The following PKD1L1 variants were observed in gnomAD, a reference collection of about 807,000 sequenced individuals.
PKD1L1 encodes the protein polycystin 1 like 1, transient receptor potential channel interacting, also known as polycystin-1-like protein 1.
Under a neutral mutation model 323.4 loss-of-function variants are expected in PKD1L1, and 236 were observed. The ratio of observed to expected loss-of-function variants is 0.73; its 90% CI spans 0.66 to 0.81. The LOEUF (loss-of-function observed/expected upper bound fraction) is 0.81, where lower values mean the gene tolerates loss of function less well. Ranked by LOEUF, PKD1L1 falls within the 40% of genes least tolerant of loss-of-function variation. PKD1L1 has a pLI of 0.00. For missense variants in PKD1L1, 3,320 were observed against 3,508.0 expected, an observed-to-expected ratio of 0.95 and a Z score of 1.35; for synonymous variants, 1,344 against 1,335.0, an observed-to-expected ratio of 1.01 and a Z score of -0.15.
At chr7:47,791,894 T>A (rs1584945417) in intron 56 of PKD1L1, among the ~76,000 whole-genome samples, 1 of 152,218 alleles carries the variant, frequency 6.6e-6, no homozygotes, top group South Asian at 2.1e-4. Flanking sequence ...GGCATGGCAC[T>A]CATCCTTCTT....
intron 22 of PKD1L1, 40 bp from the exon 23 acceptor site, chr7:47,876,257 A>C: frequency 6.2e-7 from 1 of 1,605,330 alleles, no homozygotes; most frequent in Non-Finnish European, 8.5e-7. Context: ...GTATAAATGA[A>C]CACACTGTGA....
intron 7 of PKD1L1, among the ~76,000 whole-genome samples, chr7:47,923,833 A>G (rs1466176499): frequency 6.6e-6 from 1 of 152,180 alleles, no homozygotes; most frequent in Non-Finnish European, 1.5e-5. Context: ...GAATGAGTCA[A>G]TAAGATATTG....
chr7:47,854,858 T>C (rs200420663), intron 30 of PKD1L1, 24 bp downstream of exon 30: 14 of 1,610,964 alleles, frequency 8.7e-6, no homozygotes, highest in South Asian at 1.1e-5. Flanking sequence ...TCCAATCTCA[T>C]TGTAGCTGTC....
At chr7:47,959,298 A>T in the PKD1L1 span, among the ~76,000 whole-genome samples, 2 of 131,812 alleles carry the variant, frequency 1.5e-5, no homozygotes, top group East Asian at 4.6e-4. Context: ...CTGGGATGTG[A>T]GGAGCCCCTC....
chr7:47,825,531 CA>C (rs113757054), intron 45 of PKD1L1, among the ~76,000 whole-genome samples: 1,455 of 92,436 alleles, frequency 0.016, 14 homozygotes, highest in African/African-American at 0.04. Flanking sequence ...AACTCTGTCT[CA>C]AAAAAAAAAA....
chr7:47,889,181 C>CCCCAGACCTCCTGT (rs1315703154), intron 16 of PKD1L1, among the ~76,000 whole-genome samples: 5 of 152,120 alleles, frequency 3.3e-5, no homozygotes, highest in Non-Finnish European at 7.4e-5. Context: ...GTCCCTCCAG[C>CCCCAGACCTCCTGT]CCCAGACCTC....
At chr7:47,776,398 C>G (rs191194076) in intron 56 of PKD1L1, among the ~76,000 whole-genome samples, 22 of 152,272 alleles carry the variant, frequency 1.4e-4, no homozygotes, top group Admixed American at 6.5e-4. Flanking sequence ...ACCCAGGGTC[C>G]CCCATTGTCA....
chr7:47,894,186 AAC>A, intron 14 of PKD1L1, 127 bp from the exon 15 acceptor site: 2 of 799,984 alleles, frequency 2.5e-6, no homozygotes, highest in Admixed American at 6.3e-5. Flanking sequence ...CTCCAACTAA[AAC>A]AGTCTTGGTA....
intron 1 of PKD1L1, among the ~76,000 whole-genome samples, chr7:47,947,039 G>A (rs903476977): frequency 2.0e-5 from 3 of 152,168 alleles, no homozygotes; most frequent in African/African-American, 7.2e-5. Flanking sequence ...GAGTCTGCAG[G>A]AGCATGGGCA....
At chr7:47,856,264 C>T (rs989699885) in intron 28 of PKD1L1, among the ~76,000 whole-genome samples, 5 of 152,178 alleles carry the variant, frequency 3.3e-5, no homozygotes, top group Admixed American at 6.5e-5. Context: ...GTCTGGAACT[C>T]CTGACCTTAG....
chr7:47,952,945 C>T (rs1451717619), upstream of PKD1L1, among the ~76,000 whole-genome samples: 1 of 152,174 alleles, frequency 6.6e-6, no homozygotes, highest in East Asian at 1.9e-4. Context: ...AATATCATGG[C>T]TTGATATTTA....
intron 16 of PKD1L1, among the ~76,000 whole-genome samples, chr7:47,889,214 C>T (rs543567154): frequency 6.6e-6 from 1 of 152,258 alleles, no homozygotes; most frequent in South Asian, 2.1e-4. Flanking sequence ...TCCACATAGG[C>T]CTGGACCTTC....
chr7:47,802,179 G>C, intron 53 of PKD1L1, among the ~76,000 whole-genome samples: 2 of 132,574 alleles, frequency 1.5e-5, no homozygotes, highest in Middle Eastern at 8.2e-3. Flanking sequence ...GTGACAGAGC[G>C]AGACTCTATC....
intron 45 of PKD1L1, among the ~76,000 whole-genome samples, chr7:47,824,996 A>G (rs1483084993): frequency 6.6e-6 from 1 of 152,190 alleles, no homozygotes; most frequent in African/African-American, 2.4e-5. Flanking sequence ...TGAATCTATC[A>G]TTGTGTAGAG....
chr7:47,833,155 T>C lies in PKD1L1; in HGVS notation c.6272A>G (p.His2091Arg), dbSNP rs569251371. 6.2e-7 allele frequency: 1 copy of C among 1,612,850 alleles called. No homozygotes were observed. Among genetic ancestry groups the C allele is most frequent in the East Asian group, 2.2e-5 (1 of 44,864 alleles). ...AGAAGTCCTGCTGTGGTCAGCCCCA[T>C]GAACCTGCAGCTTAGGGGCTGGACA... is the stretch of plus-strand genomic sequence containing the variant. ...TACPAPKLQV[H>R]GADHSRTSLM... The change falls in exon 41 of 57, where the codon CAT becomes CGT. Residue 2091 changes from histidine to arginine, a missense_variant. Coordinates refer to ENST00000289672, the MANE Select transcript of PKD1L1 (RefSeq NM_138295.5).
At chr7:47,832,887 T>A (rs1785376527) in intron 41 of PKD1L1, among the ~76,000 whole-genome samples, 1 of 152,272 alleles carries the variant, frequency 6.6e-6, no homozygotes, top group Non-Finnish European at 1.5e-5. Flanking sequence ...CAAACTTACG[T>A]TAAGTACCTG....
intron 56 of PKD1L1, among the ~76,000 whole-genome samples, chr7:47,788,850 G>C (rs1259721732): frequency 1.3e-5 from 2 of 151,886 alleles, no homozygotes; most frequent in Non-Finnish European, 2.9e-5. Context: ...GCCCACCTTG[G>C]CCTCCCGAAG....
upstream of PKD1L1, among the ~76,000 whole-genome samples, chr7:47,952,724 G>A (rs1292835143): frequency 6.6e-6 from 1 of 152,174 alleles, no homozygotes; most frequent in African/African-American, 2.4e-5. Flanking sequence ...ATGATTTTGT[G>A]AAAAATAGCT....
rs753449368 is a variant in PKD1L1 at position 47,853,211 on chromosome 7, T to C, written c.4876A>G (p.Thr1626Ala). The C allele has an allele frequency of 2.5e-6, 4 of 1,611,290 alleles. No individual in the cohort carries two copies. The South Asian group carries it at 4.4e-5, about 18-fold the overall frequency. The change falls in exon 31 of 57, where the codon ACT becomes GCT. Residue 1626 changes from threonine (T) to alanine (A), a missense_variant. Coordinates refer to ENST00000289672, the MANE Select transcript of PKD1L1 (RefSeq NM_138295.5). ...MLLVRFSEKPTPSDFLVKQIY... is the reference protein window; with the variant it reads ...MLLVRFSEKPAPSDFLVKQIY... ...TGCTTCACAAGAAAATCAGAGGGAG[T>C]AGGTTTCTCAGAGAATCTAGGAGAT... is the stretch of plus-strand genomic sequence containing the variant.
Sources: allele counts gnomAD v4.1 joint callset (sites outside exome capture counted in the v4.1 genomes callset), GRCh38; gene constraint gnomAD v4.1.1; transcripts MANE v1.5; gene names NCBI Gene and HGNC (gene_info 2026-07-23, HGNC 2026-07-21).